Variants in GALNTL6 observed in about 807,000 individuals in gnomAD.
The protein encoded by GALNTL6 is polypeptide N-acetylgalactosaminyltransferase-like 6.
Under a neutral mutation model 73.7 loss-of-function variants are expected in GALNTL6, and 46 were observed. The observed-to-expected ratio is 0.62, with a 90% confidence interval of 0.49 to 0.80. The LOEUF (loss-of-function observed/expected upper bound fraction) is 0.80. GALNTL6 is among the 30% of genes least tolerant of loss of function. The pLI, the probability that GALNTL6 is intolerant of heterozygous loss-of-function variation, is 0.00. For synonymous variants in GALNTL6, 259 were observed against 263.7 expected, an observed-to-expected ratio of 0.98 and a Z score of 0.17; for missense variants, 604 against 755.0, an observed-to-expected ratio of 0.80 and a Z score of 2.34.
intron 2 of GALNTL6, among the ~76,000 whole-genome samples, chr4:172,007,403 C>T (rs1048079306): frequency 1.3e-5 from 2 of 151,816 alleles, no homozygotes; most frequent in African/African-American, 4.8e-5. Context: ...GTTATCAGGA[C>T]CAGTATGAAT....
chr4:172,683,071 C>T (rs1035922204), intron 5 of GALNTL6, among the ~76,000 whole-genome samples: 5 of 152,164 alleles, frequency 3.3e-5, no homozygotes, highest in Non-Finnish European at 7.3e-5. Flanking sequence ...CTGTTTCCTG[C>T]GTTCATTTCT....
chr4:172,068,618 T>C (rs1731424295), intron 2 of GALNTL6, among the ~76,000 whole-genome samples: 1 of 109,884 alleles, frequency 9.1e-6, no homozygotes, highest in Admixed American at 9.5e-5. Flanking sequence ...CTCCAGTCGC[T>C]CTTTATTCCA....
chr4:172,775,114 C>T (rs1739001524), intron 5 of GALNTL6, among the ~76,000 whole-genome samples: 1 of 151,934 alleles, frequency 6.6e-6, no homozygotes, highest in African/African-American at 2.4e-5. Context: ...GTTTTTCTCA[C>T]TGGAAAAGCA....
At chr4:172,979,188 A>C (rs541205808) in intron 10 of GALNTL6, among the ~76,000 whole-genome samples, 2 of 152,366 alleles carry the variant, frequency 1.3e-5, no homozygotes, top group Admixed American at 1.3e-4. Flanking sequence ...GCCCCTGGCC[A>C]TATCAAAGCC....
At chr4:172,080,927 T>C (rs1731860907) in intron 2 of GALNTL6, among the ~76,000 whole-genome samples, 1 of 152,178 alleles carries the variant, frequency 6.6e-6, no homozygotes, top group African/African-American at 2.4e-5. Flanking sequence ...TACATGTCAA[T>C]AGCATACCCA....
At chr4:172,645,408 C>T (rs1740194762) in intron 5 of GALNTL6, among the ~76,000 whole-genome samples, 1 of 151,868 alleles carries the variant, frequency 6.6e-6, no homozygotes, top group Admixed American at 6.6e-5. Flanking sequence ...TTCCTTTCCA[C>T]AAATTTATCT....
chr4:171,867,300 G>A (rs1467758399), intron 2 of GALNTL6, among the ~76,000 whole-genome samples: 1 of 152,166 alleles, frequency 6.6e-6, no homozygotes, highest in South Asian at 2.1e-4. Flanking sequence ...TGACAAAAGG[G>A]CCCTAAAGGT....
At chr4:172,004,188 T>C (rs1473930758) in intron 2 of GALNTL6, among the ~76,000 whole-genome samples, 1 of 152,172 alleles carries the variant, frequency 6.6e-6, no homozygotes, top group Non-Finnish European at 1.5e-5. Context: ...TGTTCCTAAC[T>C]GCAAAGAGTT....
In GALNTL6 at chr4:172,513,533, T is replaced by C. The variant is rs181955795; in HGVS notation, c.553+164844T>C. Reference sequence around the variant, plus strand: ...TCAGAATTGTTTTTCTGATTCCTTCTCATTTGAGTAGACTATGTCAGAGGA... The same window carrying C: ...TCAGAATTGTTTTTCTGATTCCTTCCCATTTGAGTAGACTATGTCAGAGGA... On this transcript the variant is annotated intron_variant, in intron 5 of 12. Coordinates refer to ENST00000506823, the MANE Select transcript of GALNTL6 (RefSeq NM_001034845.3). Among the ~76,000 whole-genome samples, 300 of 152,290 alleles carry C rather than the reference T, an allele frequency of 2.0e-3. 1 individual carries two copies. The highest frequency in any genetic ancestry group is 0.014 in the Admixed American group (208 of 15,298).
At chr4:171,916,976 T>A (rs1737650461) in intron 2 of GALNTL6, among the ~76,000 whole-genome samples, 1 of 152,076 alleles carries the variant, frequency 6.6e-6, no homozygotes, top group Non-Finnish European at 1.5e-5. Flanking sequence ...ATGGTATTGA[T>A]GAAGACAGAT....
chr4:172,097,166 C>T (rs1027631352), intron 2 of GALNTL6, among the ~76,000 whole-genome samples: 1 of 152,072 alleles, frequency 6.6e-6, no homozygotes, highest in Non-Finnish European at 1.5e-5. Flanking sequence ...GTCGTATTAC[C>T]CACTTCTATT....
chr4:172,192,018 A>T (rs977665853), intron 2 of GALNTL6, among the ~76,000 whole-genome samples: 3 of 152,112 alleles, frequency 2.0e-5, no homozygotes, highest in African/African-American at 7.2e-5. Context: ...TATAATTTTA[A>T]ATGTTTGTTT....
In GALNTL6 at chr4:171,813,683, G is replaced by A. The variant is rs1734441553; in HGVS notation, c.-477G>A. 1.3e-5 allele frequency: 2 copies of A among 152,502 alleles called. No individual in the cohort carries two copies. The highest frequency in any genetic ancestry group is 4.8e-5 in the African/African-American group (2 of 41,580). The allele number at this position is 152,502 out of a possible 1,614,324, so 9.4% of individuals were successfully genotyped here. A position where few individuals can be genotyped will look rare whatever the true frequency, so the allele number is the denominator to read the frequency against. On this transcript the variant is annotated 5_prime_UTR_variant, in exon 1 of 13. Coordinates refer to ENST00000506823, the MANE Select transcript of GALNTL6 (RefSeq NM_001034845.3). The surrounding 1 kb of genome is among the most constrained non-coding windows in gnomAD (Gnocchi z 5.2). ...CAGCGGAGCGTGAGAGCGTCACCGG[G>A]GGAAGGGACGAGATTGATGGGCAGA... is the stretch of plus-strand genomic sequence containing the variant.
intron 9 of GALNTL6, among the ~76,000 whole-genome samples, chr4:172,947,815 C>A (rs13147310): frequency 6.6e-6 from 1 of 152,096 alleles, no homozygotes; most frequent in South Asian, 2.1e-4. Context: ...GTGTGGTATG[C>A]GTGCTCCTAT....
intron 2 of GALNTL6, among the ~76,000 whole-genome samples, chr4:172,109,158 T>C (rs1425231682): frequency 6.6e-6 from 1 of 152,008 alleles, no homozygotes; most frequent in Non-Finnish European, 1.5e-5. Flanking sequence ...ATTCACTGAA[T>C]CAATCAATGA....
At chr4:172,731,611 T>C (rs1257032734) in intron 5 of GALNTL6, among the ~76,000 whole-genome samples, 2 of 152,144 alleles carry the variant, frequency 1.3e-5, no homozygotes, top group African/African-American at 2.4e-5. Context: ...ATTTTTGCTT[T>C]TCTAATTTCT....
chr4:172,958,644 C>T lies in GALNTL6; in HGVS notation c.1371+6386C>T, dbSNP rs184988800. Among the ~76,000 whole-genome samples, 623 of 152,106 alleles carry T rather than the reference C, an allele frequency of 4.1e-3. 4 individuals carry two copies. Among genetic ancestry groups the T allele is most frequent in the African/African-American group, 0.014 (584 of 41,466 alleles). ...TCAGACATGATCGGCAGGGAGCGCA[C>T]GTGTGTTTTTATGAGAATTATGTCG... On this transcript the variant is annotated intron_variant, in intron 10 of 12. Coordinates refer to ENST00000506823, the MANE Select transcript of GALNTL6 (RefSeq NM_001034845.3).
intron 5 of GALNTL6, among the ~76,000 whole-genome samples, chr4:172,361,520 T>A (rs1045152767): frequency 6.6e-6 from 1 of 152,146 alleles, no homozygotes; most frequent in Non-Finnish European, 1.5e-5. Context: ...CTTTCCAAGG[T>A]TTGAAAAAGC....
intron 5 of GALNTL6, among the ~76,000 whole-genome samples, chr4:172,417,969 A>G (rs1349361921): frequency 6.6e-6 from 1 of 152,270 alleles, no homozygotes; most frequent in Non-Finnish European, 1.5e-5. Context: ...GTGCCACTTT[A>G]TAATACCTCT....
Sources: gnomAD v4.1 joint callset for allele counts (sites outside exome capture counted in the v4.1 genomes callset) on GRCh38, gnomAD v4.1.1 for gene constraint, Gnocchi (gnomAD v3.1) non-coding constraint, MANE v1.5 for transcripts, NCBI Gene and HGNC (gene_info 2026-07-23, HGNC 2026-07-21) for gene names.